The following PNMA8A variants were observed in gnomAD, a reference collection of about 807,000 sequenced individuals.
PNMA8A encodes PNMA family member 8A.
PNMA8A carries 17 observed loss-of-function variants against 26.6 expected under a neutral mutation model. The ratio of observed to expected loss-of-function variants is 0.64; its 90% confidence interval spans 0.44 to 0.96. PNMA8A has a LOEUF of 0.96. Among genes scored for constraint, PNMA8A ranks in the 40% least tolerant of loss-of-function variants. The pLI, the probability that PNMA8A is intolerant of heterozygous loss-of-function variation, is 0.00. For missense variants in PNMA8A, 532 were observed against 488.4 expected, an observed-to-expected ratio of 1.09 and a Z score of -0.84; for synonymous variants, 224 against 182.0, an observed-to-expected ratio of 1.23 and a Z score of -1.86.
In PNMA8A at chr19:46,469,904, C is replaced by T. The variant is rs996113491; in HGVS notation, c.1132G>A (p.Asp378Asn). ...GGCTTCTTCCTGCCATCTTCTGAGT[C>T]AACCAAGACGTAGGAGACAGGGCCC... is the stretch of plus-strand genomic sequence containing the variant. ...SLGPVSYVLVDSEDGRKKPVM... is the reference protein window; with the variant it reads ...SLGPVSYVLVNSEDGRKKPVM... The change falls in exon 2 of 3, where the codon GAC becomes AAC. Residue 378 changes from aspartate (D) to asparagine (N), a missense_variant. By Grantham distance (23) the Asp-to-Asn change is conservative (BLOSUM62 1). Coordinates refer to ENST00000313683, the MANE Select transcript of PNMA8A (RefSeq NM_018215.4). 1 of 1,614,228 alleles carries T rather than the reference C, an allele frequency of 6.2e-7. No homozygotes were observed. The highest frequency in any genetic ancestry group is 8.5e-7 in the Non-Finnish European group (1 of 1,180,040).
rs781215999 is a variant in PNMA8A at position 46,468,589 on chromosome 19, TGA to T, written c.1304-14_1304-13del. The T allele has an allele frequency of 1.9e-6, 3 of 1,609,930 alleles. No homozygotes were observed. Among genetic ancestry groups the T allele is most frequent in the African/African-American group, 2.7e-5 (2 of 74,808 alleles). ...AACCTTTCTGGATTCTGCAAATAAA[TGA>T]GAGAACAGATCAAGAAGGGAAGCAG... is the stretch of plus-strand genomic sequence containing the variant. On this transcript the variant is annotated splice_polypyrimidine_tract_variant and intron_variant, in intron 2 of 2. Coordinates refer to ENST00000313683, the MANE Select transcript of PNMA8A (RefSeq NM_018215.4).
intron 2 of PNMA8A, 100 bp downstream of exon 2, chr19:46,469,633 C>G (rs920053822): frequency 3.7e-6 from 5 of 1,344,010 alleles, no homozygotes; most frequent in Non-Finnish European, 4.9e-6. Context: ...CCGCTTGACC[C>G]ACCACCTCCT....
In PNMA8A at chr19:46,469,783, G is replaced by C. The variant is rs781542089; in HGVS notation, c.1253C>G (p.Ser418Cys). Residue 418 changes from serine to cysteine, a missense_variant, in exon 2 of 3, where the codon TCT becomes TGT. Transcript: ENST00000313683. ...TTCTGGCTTGGCCTTCGGACCCCTA[G>C]AGGTTGAGGCTGTTGCCTCGGCAGG... ...QQPAEATAST[S>C]RGPKAKPEGS... is the part of the protein sequence containing the mutation. 1.2e-6 allele frequency: 2 copies of C among 1,613,968 alleles called. No homozygotes were observed. Among genetic ancestry groups the C allele is most frequent in the Admixed American group, 1.7e-5 (1 of 59,976 alleles).
chr19:46,471,172 T>C (rs530746472), intron 1 of PNMA8A, 58 bp from the exon 2 acceptor site: 1 of 588,554 alleles, frequency 1.7e-6, no homozygotes, highest in African/African-American at 1.9e-5. Context: ...AGCTCACAGA[T>C]CCTAGCTGCC....
intron 2 of PNMA8A, among the ~76,000 whole-genome samples, chr19:46,468,792 A>G (rs1280313290): frequency 6.6e-6 from 1 of 152,070 alleles, no homozygotes; most frequent in Non-Finnish European, 1.5e-5. Context: ...GTTTCACTCT[A>G]TCGCCCAGGC....
chr19:46,470,993 T>C lies in PNMA8A; in HGVS notation c.43A>G (p.Arg15Gly), dbSNP rs1445493978. Reference sequence around the variant, plus strand: ...CTGTGGATGTCCACTTCCATTCCCCTGCACCAATCCTCCAGAAGGTTCATC... The same window carrying C: ...CTGTGGATGTCCACTTCCATTCCCCCGCACCAATCCTCCAGAAGGTTCATC... ...MAMNLLEDWC[R>G]GMEVDIHRSL... The change falls in exon 2 of 3, where the codon AGG (arginine) becomes GGG (glycine). Residue 15 changes from arginine to glycine, a missense_variant. Arg to Gly is a moderately radical substitution (Grantham distance 125, BLOSUM62 -2). Coordinates refer to ENST00000313683, the MANE Select transcript of PNMA8A (RefSeq NM_018215.4). 1.3e-6 allele frequency: 1 copy of C among 779,356 alleles called. No homozygotes were observed. Among genetic ancestry groups the C allele is most frequent in the Non-Finnish European group, 2.4e-6 (1 of 417,046 alleles). The allele number at this position is 779,356 out of a possible 1,614,324, so 48.3% of individuals were successfully genotyped here.
Position 46,470,149 on chromosome 19 carries a change from A to T in PNMA8A, c.887T>A (p.Val296Glu). 6.2e-7 allele frequency: 1 copy of T among 1,613,414 alleles called. No homozygotes were observed. The highest frequency in any genetic ancestry group is 1.1e-5 in the South Asian group (1 of 90,956). Residue 296 changes from valine (V) to glutamate (E), a missense_variant, in exon 2 of 3, where the codon GTG becomes GAG. Coordinates refer to ENST00000313683, the MANE Select transcript of PNMA8A (RefSeq NM_018215.4). ...EPIKGSRKPC[V>E]NKEELALKKP... ...CTTCAAAGCCAACTCCTCCTTATTCACACAGGGCTTTCTGCTGCCCTTGAT... is the reference window on the plus strand; with the variant it reads ...CTTCAAAGCCAACTCCTCCTTATTCTCACAGGGCTTTCTGCTGCCCTTGAT...
At chr19:46,468,919 G>A (rs935972480) in intron 2 of PNMA8A, among the ~76,000 whole-genome samples, 2 of 151,972 alleles carry the variant, frequency 1.3e-5, no homozygotes, top group African/African-American at 4.8e-5. Flanking sequence ...GAGACATCTG[G>A]TGGGCAGATG....
At chr19:46,471,138 G>A (rs541505541) in intron 1 of PNMA8A, 24 bp from the exon 2 acceptor site, 2 of 626,354 alleles carry the variant, frequency 3.2e-6, no homozygotes, top group East Asian at 2.6e-5. Context: ...AGGGAGCGAG[G>A]TCACGTTCCC....
rs769607992 is a variant in PNMA8A at position 46,470,788 on chromosome 19, G to C, written c.248C>G (p.Pro83Arg). Residue 83 changes from proline to arginine, a missense_variant, in exon 2 of 3, where the codon CCC becomes CGC. Pro to Arg is a moderately radical substitution (Grantham distance 103). Transcript: ENST00000313683. ...VGEGVNLSTI[P>R]REFPGRGGVW... ...ACCACCCCTTCCTGGGAATTCACGG[G>C]GGATGGTGCTCAGATTCACACCTTC... The C allele has an allele frequency of 2.6e-6, 2 of 783,692 alleles. No homozygotes were observed. The highest frequency in any genetic ancestry group is 1.7e-5 in the African/African-American group (1 of 59,186). The allele number at this position is 783,692 out of a possible 1,614,324, so 48.5% of individuals were successfully genotyped here.
In PNMA8A at chr19:46,469,871, G is replaced by C. The variant is rs1969758855; in HGVS notation, c.1165C>G (p.Pro389Ala). Residue 389 changes from proline (P) to alanine (A), a missense_variant, in exon 2 of 3, where the codon CCA (proline) becomes GCA (alanine). Pro to Ala is a conservative substitution (Grantham distance 27). Coordinates refer to ENST00000313683, the MANE Select transcript of PNMA8A (RefSeq NM_018215.4). The part of the protein sequence containing the change: ...SEDGRKKPVM[P>A]KKGPGSRREA... ...CTTCTTGAGCCTGGCCCTTTCTTTG[G>C]CATCACCGGCTTCTTCCTGCCATCT... 6.2e-7 allele frequency: 1 copy of C among 1,614,188 alleles called. No individual in the cohort carries two copies. Among genetic ancestry groups the C allele is most frequent in the African/African-American group, 1.3e-5 (1 of 75,048 alleles).
chr19:46,470,334 C>T lies in PNMA8A; in HGVS notation c.702G>A (p.Arg234=), dbSNP rs754829567. 1.2e-6 allele frequency: 2 copies of T among 1,613,980 alleles called. No homozygotes were observed. The highest frequency in any genetic ancestry group is 1.1e-5 in the South Asian group (1 of 91,082). Reference sequence around the variant, plus strand: ...TCCTGGAGCGAGACTTAGCTCCAGCCCTGCGAACCAAAGGTTTGGTAGGCT... The same window carrying T: ...TCCTGGAGCGAGACTTAGCTCCAGCTCTGCGAACCAAAGGTTTGGTAGGCT... ...QHEPTKPLVR[R]AGAKSRSRRK... The change falls in exon 2 of 3, where the codon AGG becomes AGA. Residue 234 remains arginine (R), a synonymous_variant. Coordinates refer to ENST00000313683, the MANE Select transcript of PNMA8A (RefSeq NM_018215.4).
chr19:46,471,023 TG>T lies in PNMA8A; in HGVS notation c.12del (p.Met5TrpfsTer3), dbSNP rs1568608189. Reference sequence around the variant, plus strand: ...CAATCCTCCAGAAGGTTCATCGCCATGGTCTTGGACATTTAGCGGCTCTGAA... The same window carrying T: ...CAATCCTCCAGAAGGTTCATCGCCATGTCTTGGACATTTAGCGGCTCTGAA... Reference protein sequence around the residue: MSKTMAMNLLEDWC... With the variant: MSKXMAMNLLEDWC... On this transcript the variant is annotated frameshift_variant, in exon 2 of 3. Transcript: ENST00000313683. LOFTEE classifies it high-confidence loss of function. 2.6e-6 allele frequency: 2 copies of T among 772,604 alleles called. No homozygotes were observed. Among genetic ancestry groups the T allele is most frequent in the Non-Finnish European group, 2.4e-6 (1 of 413,010 alleles). 47.9% of individuals were successfully genotyped at this position (772,604 alleles called of 1,614,324 possible). A position where few individuals can be genotyped will look rare whatever the true frequency, so the allele number is the denominator to read the frequency against.
chr19:46,471,382 G>T lies in PNMA8A; in HGVS notation c.-125C>A. ...CGCCCAGCCAGGCCAAGGAGACGCA[G>T]TGGAATGCAGCCGTTTCCCAGTCGC... On this transcript the variant is annotated 5_prime_UTR_variant, in exon 1 of 3. The change creates a new upstream start codon in the 5' untranslated region. Coordinates refer to ENST00000313683, the MANE Select transcript of PNMA8A (RefSeq NM_018215.4). 5.2e-6 allele frequency: 1 copy of T among 192,226 alleles called. No homozygotes were observed. Among genetic ancestry groups the T allele is most frequent in the Non-Finnish European group, 1.1e-5 (1 of 94,662 alleles). The allele number at this position is 192,226 out of a possible 1,614,324, so 11.9% of individuals were successfully genotyped here. A position where few individuals can be genotyped will look rare whatever the true frequency, so the allele number is the denominator to read the frequency against.
chr19:46,467,561 G>C lies in PNMA8A; in HGVS notation c.*1000C>G, dbSNP rs909175553. 3 of 152,138 alleles carry C rather than the reference G, an allele frequency of 2.0e-5. No homozygotes were observed. The highest frequency in any genetic ancestry group is 7.2e-5 in the African/African-American group (3 of 41,414). 9.4% of individuals were successfully genotyped at this position (152,138 alleles called of 1,614,324 possible). ...CCTGAGTAGCTGGGATTACAGGCGC[G>C]CGCCACCACGCCCAGCTAATTTTTG... On this transcript the variant is annotated 3_prime_UTR_variant, in exon 3 of 3. Transcript: ENST00000313683.
chr19:46,471,248 C>T, intron 1 of PNMA8A, 89 bp downstream of exon 1: 1 of 500,480 alleles, frequency 2.0e-6, no homozygotes, highest in Non-Finnish European at 3.5e-6. Flanking sequence ...ACCCAGGCCC[C>T]GGTGCTCACA....
chr19:46,470,612 G>A lies in PNMA8A; in HGVS notation c.424C>T (p.Pro142Ser). The A allele has an allele frequency of 6.2e-7, 1 of 1,610,134 alleles. No homozygotes were observed. The highest frequency in any genetic ancestry group is 8.5e-7 in the Non-Finnish European group (1 of 1,176,358). ...AGAGCTTCTGCCCAGTTCTCTGGGGGCTGATGCTGGTTCTGGGACAGGGTG... is the reference window on the plus strand; with the variant it reads ...AGAGCTTCTGCCCAGTTCTCTGGGGACTGATGCTGGTTCTGGGACAGGGTG... ...HPTLSQNQHQ[P>S]PENWAEALGV... Residue 142 changes from proline to serine, a missense_variant, in exon 2 of 3, where the codon CCC becomes TCC. Coordinates refer to ENST00000313683, the MANE Select transcript of PNMA8A (RefSeq NM_018215.4).
chr19:46,468,614 CAG>C, intron 2 of PNMA8A, 37 bp from the exon 3 acceptor site: 1 of 1,576,446 alleles, frequency 6.3e-7, no homozygotes, highest in Non-Finnish European at 8.7e-7. Context: ...AGAAGGGAAG[CAG>C]AGAGGTGTCA....
Position 46,471,129 on chromosome 19 carries a change from G to A in PNMA8A, c.-79-15C>T, listed in dbSNP as rs545758376. 96 of 642,180 alleles carry A rather than the reference G, an allele frequency of 1.5e-4. No homozygotes were observed. Among genetic ancestry groups the A allele is most frequent in the Admixed American group, 3.2e-4 (13 of 40,356 alleles). 39.8% of individuals were successfully genotyped at this position (642,180 alleles called of 1,614,324 possible). ...AAACAGTAATCCTGCAAGGTGACAA[G>A]GGAGCGAGGTCACGTTCCCAGGAAG... On this transcript the variant is annotated splice_polypyrimidine_tract_variant and intron_variant, in intron 1 of 2. Coordinates refer to ENST00000313683, the MANE Select transcript of PNMA8A (RefSeq NM_018215.4).
Sources: allele counts gnomAD v4.1 joint callset (sites outside exome capture counted in the v4.1 genomes callset), GRCh38; gene constraint gnomAD v4.1.1; transcripts MANE v1.5; gene names NCBI Gene and HGNC (gene_info 2026-07-23, HGNC 2026-07-21).